Variants in PCDHGB3 observed in about 807,000 individuals in gnomAD.
The protein encoded by PCDHGB3 is protocadherin gamma-B3.
PCDHGB3 carries 40 observed loss-of-function variants against 59.2 expected under a neutral mutation model. That is an observed-to-expected ratio of 0.68 (90% CI 0.52 to 0.88). PCDHGB3 has a LOEUF of 0.88. PCDHGB3 is among the 40% of genes least tolerant of loss of function. The pLI is 0.00. For synonymous variants in PCDHGB3, 581 were observed against 503.6 expected, an observed-to-expected ratio of 1.15 and a Z score of -2.06; for missense variants, 1,309 against 1,187.9, an observed-to-expected ratio of 1.10 and a Z score of -1.50.
rs1562129544 is a variant in PCDHGB3 at position 141,489,362 on chromosome 5, C to G, written c.2416-5445C>G. ...TACTCAGTGGTGGAGGAGTCTGAGC[C>G]GGGGACGCTGGTGGGGAATGTTGCT... On this transcript the variant is annotated intron_variant, in intron 1 of 3. Transcript: ENST00000576222. This position sits in a 1 kb window ranked among gnomAD's most constrained non-coding sequence, Gnocchi z 4.5. 6.2e-7 allele frequency: 1 copy of G among 1,613,052 alleles called. No individual in the cohort carries two copies. Among genetic ancestry groups the G allele is most frequent in the Non-Finnish European group, 8.5e-7 (1 of 1,179,268 alleles).
In PCDHGB3 at chr5:141,370,898, G is replaced by A; in HGVS notation, c.504G>A (p.Gln168=). 1 of 1,614,062 alleles carries A rather than the reference G, an allele frequency of 6.2e-7. No individual in the cohort carries two copies. The highest frequency in any genetic ancestry group is 1.3e-5 in the African/African-American group (1 of 75,062). ...QDPDVGVNSL[Q]QYYLSPDPHF... ...CTGATGTAGGTGTCAATTCGCTGCA[G>A]CAGTACTACCTCAGCCCTGATCCGC... Residue 168 remains glutamine, a synonymous_variant, in exon 1 of 4, where the codon CAG becomes CAA. Coordinates refer to ENST00000576222, the MANE Select transcript of PCDHGB3 (RefSeq NM_018924.5).
chr5:141,415,293 C>G, intron 1 of PCDHGB3: 1 of 1,614,192 alleles, frequency 6.2e-7, no homozygotes, highest in Non-Finnish European at 8.5e-7. Flanking sequence ...CGGTCTCCTG[C>G]GTCTTCCTGG....
At chr5:141,436,849 T>C (rs1007573014) in intron 1 of PCDHGB3, among the ~76,000 whole-genome samples, 11 of 152,256 alleles carry the variant, frequency 7.2e-5, no homozygotes, top group African/African-American at 2.7e-4. Context: ...ACATTCTTGA[T>C]TGAGAAGCCA....
At chr5:141,382,378 C>A (rs1160680038) in intron 1 of PCDHGB3, among the ~76,000 whole-genome samples, 1 of 152,098 alleles carries the variant, frequency 6.6e-6, no homozygotes, top group Non-Finnish European at 1.5e-5. Context: ...TTTTTGCCTT[C>A]AATAACTGAT....
At chr5:141,394,371 T>C (rs753598001) in intron 1 of PCDHGB3, 5 of 1,614,056 alleles carry the variant, frequency 3.1e-6, no homozygotes, top group Non-Finnish European at 4.2e-6. Context: ...GCTGCAATCT[T>C]TCGACTATGA....
intron 1 of PCDHGB3, chr5:141,384,316 T>C (rs1779949710): frequency 6.2e-7 from 1 of 1,613,858 alleles, no homozygotes; most frequent in Non-Finnish European, 8.5e-7. Context: ...CTCCATTTTC[T>C]TAGTGACTGC....
chr5:141,484,924 T>C (rs1453592037), intron 1 of PCDHGB3: 7 of 484,872 alleles, frequency 1.4e-5, no homozygotes, highest in Non-Finnish European at 2.2e-5. Context: ...ACCCTGCTGC[T>C]GTTGGGACGT....
At chr5:141,498,967 GGGAGGGAA>G (rs1395523211) in intron 2 of PCDHGB3, among the ~76,000 whole-genome samples, 34 of 129,670 alleles carry the variant, frequency 2.6e-4, no homozygotes, top group Admixed American at 1.5e-3. Flanking sequence ...GAGGGAGGGA[GGGAGGGAA>G]GGAAGGAAGG....
At chr5:141,409,122 T>G (rs1276365021) in intron 1 of PCDHGB3, 1 of 1,614,026 alleles carries the variant, frequency 6.2e-7, no homozygotes, top group South Asian at 1.1e-5. Context: ...AACCAGTCAT[T>G]TGATTTTGAA....
chr5:141,393,387 C>T lies in PCDHGB3; in HGVS notation c.2415+20578C>T, dbSNP rs772072669. The stretch of plus-strand genomic sequence containing the variant: ...GACTGGAGACAATGGAGCCATAAAC[C>T]CAGAGCTGGTGCTGGAGCGCGCCCT... On this transcript the variant is annotated intron_variant, in intron 1 of 3. Coordinates refer to ENST00000576222, the MANE Select transcript of PCDHGB3 (RefSeq NM_018924.5). The T allele has an allele frequency of 3.7e-6, 6 of 1,613,972 alleles. No homozygotes were observed. The East Asian group carries it at 1.3e-4, about 36-fold the overall frequency.
In PCDHGB3 at chr5:141,490,000, A is replaced by G. The variant is rs762999106; in HGVS notation, c.2416-4807A>G. The G allele has an allele frequency of 6.2e-7, 1 of 1,614,198 alleles. No individual in the cohort carries two copies. Among genetic ancestry groups the G allele is most frequent in the Admixed American group, 1.7e-5 (1 of 60,032 alleles). ...AGTTCTACGTGTGGGAATCCCAGAG[A>G]ATGCACCCATTGGTACTCTGCTGCT... On this transcript the variant is annotated intron_variant, in intron 1 of 3. Coordinates refer to ENST00000576222, the MANE Select transcript of PCDHGB3 (RefSeq NM_018924.5). The surrounding 1 kb of genome is among the most constrained non-coding windows in gnomAD (Gnocchi z 4.5).
chr5:141,471,042 C>G (rs2099247416), intron 1 of PCDHGB3, among the ~76,000 whole-genome samples: 1 of 139,088 alleles, frequency 7.2e-6, no homozygotes, highest in South Asian at 2.3e-4. Flanking sequence ...CAAGCCCAAG[C>G]CCTCTTTTTT....
chr5:141,383,259 C>G (rs768704302), intron 1 of PCDHGB3: 1 of 1,613,810 alleles, frequency 6.2e-7, no homozygotes, highest in South Asian at 1.1e-5. Context: ...ACCCTATAGA[C>G]GTGGAAATAA....
chr5:141,422,569 G>C, intron 1 of PCDHGB3: 2 of 1,613,984 alleles, frequency 1.2e-6, no homozygotes, highest in Non-Finnish European at 1.7e-6. Flanking sequence ...AGATGACAAC[G>C]ATAACCCTCC....
rs2099811015 is a variant in PCDHGB3 at position 141,501,774 on chromosome 5, G to GTC, written c.2475-3612_2475-3611dup. ...CTCTCAGTAAATGGTTAAAAAAGAG[G>GTC]TCTCTCTCCCTCTGCTCATCTCTTA... is the stretch of plus-strand genomic sequence containing the variant. On this transcript the variant is annotated intron_variant, in intron 2 of 3. Coordinates refer to ENST00000576222, the MANE Select transcript of PCDHGB3 (RefSeq NM_018924.5). Among the ~76,000 whole-genome samples, 3 of 152,062 alleles carry GTC rather than the reference G, an allele frequency of 2.0e-5. No homozygotes were observed. In the South Asian group the frequency reaches 6.2e-4, roughly 32 times the overall value.
chr5:141,403,895 T>C, intron 1 of PCDHGB3: 1 of 1,613,884 alleles, frequency 6.2e-7, no homozygotes, highest in Non-Finnish European at 8.5e-7. Context: ...ATGTTCATTT[T>C]ATGAAATGGA....
intron 1 of PCDHGB3, chr5:141,408,333 G>T (rs746692686): frequency 3.7e-6 from 6 of 1,613,924 alleles, no homozygotes; most frequent in Admixed American, 3.3e-5. Flanking sequence ...CTGGCCAAGG[G>T]CTCGGTGGTG....
chr5:141,432,300 T>G lies in PCDHGB3; in HGVS notation c.2415+59491T>G, dbSNP rs1280788604. ...TCCATCAACTCCGACACTGGGGTACTGTATGCGCTGAGCTCCTTCGACTAC... is the reference window on the plus strand; with the variant it reads ...TCCATCAACTCCGACACTGGGGTACGGTATGCGCTGAGCTCCTTCGACTAC... On this transcript the variant is annotated intron_variant, in intron 1 of 3. Transcript: ENST00000576222. The surrounding 1 kb of genome is among the most constrained non-coding windows in gnomAD (Gnocchi z 6.0). 1.9e-6 allele frequency: 3 copies of G among 1,614,158 alleles called. No homozygotes were observed. The highest frequency in any genetic ancestry group is 2.5e-6 in the Non-Finnish European group (3 of 1,180,056).
At chr5:141,444,492 T>C (rs1052885639) in intron 1 of PCDHGB3, among the ~76,000 whole-genome samples, 1 of 152,122 alleles carries the variant, frequency 6.6e-6, no homozygotes, top group East Asian at 1.9e-4. Context: ...TTATATTGTG[T>C]AATACTTTGC....
Sources: gnomAD v4.1 joint callset for allele counts (sites outside exome capture counted in the v4.1 genomes callset) on GRCh38, gnomAD v4.1.1 for gene constraint, Gnocchi (gnomAD v3.1) non-coding constraint, MANE v1.5 for transcripts, NCBI Gene and HGNC (gene_info 2026-07-23, HGNC 2026-07-21) for gene names.